Variants in MEI4 observed in about 807,000 individuals in gnomAD.
The protein encoded by MEI4 is meiotic double-stranded break formation protein 4.
Under a neutral mutation model 31.4 loss-of-function variants are expected in MEI4, and 27 were observed. That is an observed-to-expected ratio of 0.86 (90% CI 0.63 to 1.19). The LOEUF is 1.19. Ranked by LOEUF, MEI4 falls within the 50% of genes most tolerant of loss-of-function variation. MEI4 has a pLI of 0.00. For synonymous variants in MEI4, 122 were observed against 145.4 expected (o/e 0.84, Z 1.16); for missense variants, 329 against 398.9 (o/e 0.82, Z 1.49).
intron 4 of MEI4, among the ~76,000 whole-genome samples, chr6:77,851,773 A>G (rs1417433585): frequency 6.6e-6 from 1 of 152,124 alleles, no homozygotes; most frequent in East Asian, 1.9e-4. Flanking sequence ...CCTAGAACTT[A>G]AAGTATAATT....
At chr6:77,686,091 GACAC>G (rs1396569733) in intron 1 of MEI4, among the ~76,000 whole-genome samples, 1 of 152,048 alleles carries the variant, frequency 6.6e-6, no homozygotes, top group South Asian at 2.1e-4. Flanking sequence ...CTTATCATGT[GACAC>G]ACTAGCTCCC....
At chr6:77,681,526 C>T (rs1295049233) in intron 1 of MEI4, among the ~76,000 whole-genome samples, 2 of 152,134 alleles carry the variant, frequency 1.3e-5, no homozygotes, top group Admixed American at 6.6e-5. Context: ...GCTGGTTGTG[C>T]CATGTGTACA....
chr6:77,899,347 A>AT lies in MEI4; in HGVS notation c.901-23735dup, dbSNP rs377153376. On this transcript the variant is annotated intron_variant, in intron 4 of 4. Coordinates refer to ENST00000684080, the MANE Select transcript of MEI4 (RefSeq NM_001322247.2). ...AATGGATATGGCTTACTATCTGGTG[A>AT]TTTTTTTACCAGAAAATTATCTCAT... is the stretch of plus-strand genomic sequence containing the variant. 6.1e-4 allele frequency among the ~76,000 whole-genome samples: 93 copies of AT among 152,124 alleles called. 2 individuals carry two copies. The highest frequency in any genetic ancestry group is 1.5e-3 in the African/African-American group (63 of 41,538).
chr6:77,678,554 A>ACAATGTTATAGCCCAGCACATTGCATAC (rs58196034), intron 1 of MEI4, among the ~76,000 whole-genome samples: 31 of 152,050 alleles, frequency 2.0e-4, no homozygotes, highest in East Asian at 1.9e-3. Context: ...AGGAGCCATC[A>ACAATGTTATAGCCCAGCACATTGCATAC]ATGTTTGTGG....
At chr6:77,710,925 C>G (rs146600620) in intron 2 of MEI4, among the ~76,000 whole-genome samples, 312 of 152,314 alleles carry the variant, frequency 2.0e-3, no homozygotes, top group Non-Finnish European at 3.7e-3. Flanking sequence ...TTATTCATCT[C>G]ACTTAATTTT....
intron 4 of MEI4, among the ~76,000 whole-genome samples, chr6:77,878,374 A>G (rs1771396262): frequency 6.6e-6 from 1 of 152,150 alleles, no homozygotes; most frequent in Non-Finnish European, 1.5e-5. Flanking sequence ...ATGATTTTAA[A>G]TAGTTTTTTA....
intron 3 of MEI4, among the ~76,000 whole-genome samples, chr6:77,783,585 T>C (rs1768650687): frequency 6.6e-6 from 1 of 152,152 alleles, no homozygotes; most frequent in South Asian, 2.1e-4. Flanking sequence ...TTAATTTGTG[T>C]TGTGGAAGCA....
intron 3 of MEI4, among the ~76,000 whole-genome samples, chr6:77,824,591 G>A (rs1769899993): frequency 6.6e-6 from 1 of 151,496 alleles, no homozygotes; most frequent in Non-Finnish European, 1.5e-5. Flanking sequence ...ATTTCTTGCT[G>A]TTTTATCCTG....
At chr6:77,922,489 A>G (rs897883344) in intron 4 of MEI4, among the ~76,000 whole-genome samples, 6 of 151,634 alleles carry the variant, frequency 4.0e-5, no homozygotes, top group Non-Finnish European at 5.9e-5. Flanking sequence ...TATGCTTGCT[A>G]TTGTCTAGTT....
chr6:77,802,993 T>C (rs1769313553), intron 3 of MEI4, among the ~76,000 whole-genome samples: 1 of 152,178 alleles, frequency 6.6e-6, no homozygotes, highest in South Asian at 2.1e-4. Flanking sequence ...GCATTCTCTG[T>C]ATTTCCTGAA....
At chr6:77,785,198 T>G (rs1311356389) in intron 3 of MEI4, among the ~76,000 whole-genome samples, 3 of 152,146 alleles carry the variant, frequency 2.0e-5, no homozygotes, top group Non-Finnish European at 2.9e-5. Flanking sequence ...GAGGATAAAA[T>G]GATGTTTTTG....
intron 2 of MEI4, among the ~76,000 whole-genome samples, chr6:77,712,335 AT>A (rs1766483507): frequency 1.3e-5 from 2 of 152,316 alleles, no homozygotes; most frequent in South Asian, 4.1e-4. Flanking sequence ...TACTTAAATA[AT>A]GGGGATATTA....
Position 77,761,200 on chromosome 6 carries a change from T to C in MEI4, c.303T>C (p.Asp101=), listed in dbSNP as rs1768035441. The C allele has an allele frequency of 7.3e-6, 9 of 1,232,256 alleles. No homozygotes were observed. The highest frequency in any genetic ancestry group is 8.1e-6 in the Non-Finnish European group (8 of 987,968). The allele number at this position is 1,232,256 out of a possible 1,614,324, so 76.3% of individuals were successfully genotyped here. A position where few individuals can be genotyped will look rare whatever the true frequency, so the allele number is the denominator to read the frequency against. ...SSESTLTSME[D]SGCDLSNEQR... is the part of the protein sequence containing the mutation. The stretch of plus-strand genomic sequence containing the variant: ...AAAGTACATTAACTTCGATGGAAGA[T>C]TCTGGATGTGATTTGTCGAATGAGC... The change falls in exon 3 of 5, where the codon GAT becomes GAC. Residue 101 remains aspartate, a synonymous_variant. Coordinates refer to ENST00000684080, the MANE Select transcript of MEI4 (RefSeq NM_001322247.2).
chr6:77,742,646 T>C (rs973118564), intron 2 of MEI4, among the ~76,000 whole-genome samples: 3 of 152,262 alleles, frequency 2.0e-5, no homozygotes, highest in Non-Finnish European at 4.4e-5. Context: ...TTGTCAATTT[T>C]GGCTTTTGTT....
chr6:77,738,079 T>G (rs1306562594), intron 2 of MEI4, among the ~76,000 whole-genome samples: 1 of 152,136 alleles, frequency 6.6e-6, no homozygotes, highest in Non-Finnish European at 1.5e-5. Flanking sequence ...GAAACTGGAA[T>G]GAGGGGTTGT....
At chr6:77,861,665 G>T (rs1305151126) in intron 4 of MEI4, among the ~76,000 whole-genome samples, 1 of 152,096 alleles carries the variant, frequency 6.6e-6, no homozygotes, top group Non-Finnish European at 1.5e-5. Context: ...TTTGAGTTCT[G>T]GAGTTAAGCA....
chr6:77,897,583 AC>A (rs1766108034), intron 4 of MEI4, among the ~76,000 whole-genome samples: 1 of 152,000 alleles, frequency 6.6e-6, no homozygotes, highest in African/African-American at 2.4e-5. Context: ...TGTTTCCAAT[AC>A]GAAAAAAGGG....
intron 3 of MEI4, among the ~76,000 whole-genome samples, chr6:77,797,468 C>G (rs1769110409): frequency 6.6e-6 from 1 of 152,024 alleles, no homozygotes. Context: ...AGGCAAAGTC[C>G]CATGGTGGGC....
At chr6:77,709,393 G>A (rs1055412828) in intron 2 of MEI4, among the ~76,000 whole-genome samples, 4 of 152,090 alleles carry the variant, frequency 2.6e-5, no homozygotes, top group African/African-American at 9.7e-5. Flanking sequence ...ATGTTTCTGG[G>A]CTTGATATTT....
Sources: gnomAD v4.1 joint callset for allele counts (sites outside exome capture counted in the v4.1 genomes callset) on GRCh38, gnomAD v4.1.1 for gene constraint, MANE v1.5 for transcripts, NCBI Gene and HGNC (gene_info 2026-07-23, HGNC 2026-07-21) for gene names.